PSMB7: variants seen among roughly 807,000 people sequenced by gnomAD.
PSMB7 encodes the protein proteasome subunit beta type-7.
Under a neutral mutation model 28.1 loss-of-function variants are expected in PSMB7, and 5 were observed. That is an observed-to-expected ratio of 0.18 (90% CI 0.09 to 0.37). PSMB7 has a LOEUF of 0.37. PSMB7 is among the 10% of genes least tolerant of loss of function. The pLI is 1.00. For synonymous variants in PSMB7, 122 were observed against 123.7 expected, an observed-to-expected ratio of 0.99 and a Z score of 0.09; for missense variants, 275 against 346.2, an observed-to-expected ratio of 0.79 and a Z score of 1.63.
At chr9:124,411,103 G>A (rs1046271628) in intron 4 of PSMB7, among the ~76,000 whole-genome samples, 1 of 151,944 alleles carries the variant, frequency 6.6e-6, no homozygotes, top group Non-Finnish European at 1.5e-5. Context: ...AGCCTCCCAA[G>A]TAGCTGGGAT....
At chr9:124,360,983 G>A (rs1206613193) in intron 6 of PSMB7, among the ~76,000 whole-genome samples, 6 of 152,196 alleles carry the variant, frequency 3.9e-5, no homozygotes, top group Non-Finnish European at 5.9e-5. Flanking sequence ...AGCAGCAACT[G>A]CCTATACCAA....
At chr9:124,371,201 C>A (rs1420343427) in intron 6 of PSMB7, among the ~76,000 whole-genome samples, 7 of 152,228 alleles carry the variant, frequency 4.6e-5, no homozygotes, top group Non-Finnish European at 1.0e-4. Context: ...AAAATAATGT[C>A]TTCACCACTA....
In PSMB7 at chr9:124,376,907, C is replaced by G. The variant is rs562566941; in HGVS notation, c.570+7691G>C. ...AAAATGGAGACAACAAAGTACTGAC[C>G]TCAAGGAATTGCTGAAAAGTAAATG... On this transcript the variant is annotated intron_variant, in intron 6 of 7. Coordinates refer to ENST00000259457, the MANE Select transcript of PSMB7 (RefSeq NM_002799.4). Among the ~76,000 whole-genome samples the G allele has an allele frequency of 2.6e-4, 40 of 152,308 alleles. 5 individuals carry two copies. The highest frequency in any genetic ancestry group is 2.5e-3 in the South Asian group (12 of 4,828).
chr9:124,372,674 A>C (rs536146530), intron 6 of PSMB7, among the ~76,000 whole-genome samples: 1 of 152,226 alleles, frequency 6.6e-6, no homozygotes, highest in Non-Finnish European at 1.5e-5. Flanking sequence ...GCCACTTTCA[A>C]CTTTGACTTT....
At chr9:124,407,959 CA>C (rs1028941899) in intron 4 of PSMB7, among the ~76,000 whole-genome samples, 175 of 152,226 alleles carry the variant, frequency 1.1e-3, no homozygotes, top group African/African-American at 3.9e-3. Flanking sequence ...CCAGCCTAAG[CA>C]ACATAGTGAG....
chr9:124,377,070 G>A (rs1401221525), intron 6 of PSMB7, among the ~76,000 whole-genome samples: 1 of 152,054 alleles, frequency 6.6e-6, no homozygotes, highest in African/African-American at 2.4e-5. Flanking sequence ...CACATTACTC[G>A]TTGCTATGCG....
chr9:124,398,455 G>C (rs1830863903), intron 5 of PSMB7: 2 of 354,258 alleles, frequency 5.6e-6, no homozygotes, highest in African/African-American at 4.5e-5. Flanking sequence ...TCTGTAAAGA[G>C]CTCCTCTTCA....
intron 6 of PSMB7, among the ~76,000 whole-genome samples, chr9:124,377,237 A>G (rs938691837): frequency 6.6e-6 from 1 of 152,206 alleles, no homozygotes; most frequent in African/African-American, 2.4e-5. Context: ...CGCACAGACA[A>G]GGATGCCCCT....
At chr9:124,365,106 G>A (rs1057036843) in intron 6 of PSMB7, among the ~76,000 whole-genome samples, 3 of 152,196 alleles carry the variant, frequency 2.0e-5, no homozygotes, top group South Asian at 4.1e-4. Flanking sequence ...CCTGCAAAAC[G>A]GCCAGGTTAG....
intron 5 of PSMB7, among the ~76,000 whole-genome samples, chr9:124,390,990 C>G (rs1830777815): frequency 6.6e-6 from 1 of 152,188 alleles, no homozygotes; most frequent in Admixed American, 6.5e-5. Flanking sequence ...CTTAGGAGGG[C>G]TTCCTTAGGA....
At chr9:124,363,660 T>C (rs1170318094) in intron 6 of PSMB7, among the ~76,000 whole-genome samples, 1 of 152,122 alleles carries the variant, frequency 6.6e-6, no homozygotes, top group South Asian at 2.1e-4. Flanking sequence ...AGTGACTGCA[T>C]CTTTAACGCC....
chr9:124,354,897 T>C (rs1247909672), intron 7 of PSMB7, among the ~76,000 whole-genome samples: 1 of 152,176 alleles, frequency 6.6e-6, no homozygotes, highest in Non-Finnish European at 1.5e-5. Context: ...GTGGTGACAG[T>C]GCCCGATTTT....
intron 5 of PSMB7, among the ~76,000 whole-genome samples, chr9:124,399,208 A>T (rs1430366120): frequency 6.6e-6 from 1 of 152,212 alleles, no homozygotes; most frequent in East Asian, 1.9e-4. Context: ...AAGTTGGAGA[A>T]TCAGAAAATT....
At chr9:124,391,077 G>A (rs956110322) in intron 5 of PSMB7, among the ~76,000 whole-genome samples, 5 of 152,218 alleles carry the variant, frequency 3.3e-5, no homozygotes, top group Non-Finnish European at 7.3e-5. Context: ...CACTTATCCA[G>A]AAGTGTACTC....
chr9:124,358,810 GCTGGTGT>G (rs1830439266), intron 6 of PSMB7, among the ~76,000 whole-genome samples: 1 of 152,210 alleles, frequency 6.6e-6, no homozygotes, highest in Non-Finnish European at 1.5e-5. Flanking sequence ...TATCACTGCT[GCTGGTGT>G]CTAGAGCCAG....
intron 4 of PSMB7, among the ~76,000 whole-genome samples, chr9:124,411,632 C>G (rs1279548402): frequency 6.6e-6 from 1 of 152,182 alleles, no homozygotes; most frequent in Non-Finnish European, 1.5e-5. Flanking sequence ...TTGAAAACTG[C>G]CAAGACCCAT....
intron 6 of PSMB7, among the ~76,000 whole-genome samples, chr9:124,365,713 C>T (rs537239083): frequency 1.5e-4 from 23 of 152,112 alleles, no homozygotes; most frequent in South Asian, 2.1e-4. Flanking sequence ...CTCAGAAGCT[C>T]GAGACCAGCC....
intron 6 of PSMB7, among the ~76,000 whole-genome samples, chr9:124,357,479 A>G (rs906226893): frequency 2.6e-5 from 4 of 152,182 alleles, no homozygotes; most frequent in Non-Finnish European, 5.9e-5. Flanking sequence ...ACACCAAAAC[A>G]CAAGCCGGTA....
At chr9:124,396,555 C>G (rs1191828397) in intron 5 of PSMB7, among the ~76,000 whole-genome samples, 1 of 152,176 alleles carries the variant, frequency 6.6e-6, no homozygotes. Flanking sequence ...ACCAGTTTAT[C>G]TGGAGAGAGA....
Sources: gnomAD v4.1 joint callset for allele counts (sites outside exome capture counted in the v4.1 genomes callset) on GRCh38, gnomAD v4.1.1 for gene constraint, MANE v1.5 for transcripts, NCBI Gene and HGNC (gene_info 2026-07-23, HGNC 2026-07-21) for gene names.